Variants in DCDC2C observed in about 807,000 individuals in gnomAD.
DCDC2C encodes doublecortin domain containing 2C, also known as doublecortin domain-containing protein 2C.
Under a neutral mutation model 45.0 loss-of-function variants are expected in DCDC2C, and 44 were observed. The ratio of observed to expected loss-of-function variants is 0.98; its 90% confidence interval spans 0.77 to 1.26. DCDC2C has a LOEUF of 1.26. Among genes scored for constraint, DCDC2C ranks in the 50% most tolerant of loss-of-function variants. The pLI is 0.00. For synonymous variants in DCDC2C, 187 were observed against 178.8 expected (o/e 1.05, Z -0.37); for missense variants, 447 against 468.9 (o/e 0.95, Z 0.43).
rs987625928 is a variant in DCDC2C at position 3,708,516 on chromosome 2, T to G, written c.288-33T>G. ...GAACTTTCTATGTAAATATCTTCCT[T>G]CTAATGATGTTTTCTTCTTTCTTCT... On this transcript the variant is annotated intron_variant, in intron 1 of 10. Coordinates refer to ENST00000399143, the MANE Select transcript of DCDC2C (RefSeq NM_001287444.2). The G allele has an allele frequency of 1.1e-5, 16 of 1,494,026 alleles. No homozygotes were observed. In the African/African-American group the frequency reaches 2.0e-4, roughly 18 times the overall value. The allele number at this position is 1,494,026 out of a possible 1,614,324, so 92.5% of individuals were successfully genotyped here.
At chr2:3,780,571 T>C (rs1457604780) in intron 9 of DCDC2C, among the ~76,000 whole-genome samples, 1 of 152,126 alleles carries the variant, frequency 6.6e-6, no homozygotes, top group African/African-American at 2.4e-5. Flanking sequence ...GGGCCAAGGA[T>C]CTAAAAGGTG....
chr2:3,824,728 G>A (rs557166903), intron 10 of DCDC2C, among the ~76,000 whole-genome samples: 16 of 151,744 alleles, frequency 1.1e-4, no homozygotes, highest in Middle Eastern at 3.4e-3. Context: ...GTCTTGCTCC[G>A]TGCTCTTGCC....
chr2:3,828,778 C>A (rs1190423719), intron 10 of DCDC2C, among the ~76,000 whole-genome samples: 1 of 152,166 alleles, frequency 6.6e-6, no homozygotes, highest in Non-Finnish European at 1.5e-5. Flanking sequence ...ACTTGCAACA[C>A]CTTGTTTCCG....
intron 6 of DCDC2C, among the ~76,000 whole-genome samples, chr2:3,758,753 T>C (rs1669796726): frequency 6.6e-6 from 1 of 152,226 alleles, no homozygotes; most frequent in African/African-American, 2.4e-5. Flanking sequence ...TATGAGGCTG[T>C]GTTCAGCGGA....
chr2:3,739,244 T>G (rs1050790986), intron 3 of DCDC2C, among the ~76,000 whole-genome samples: 1 of 151,828 alleles, frequency 6.6e-6, no homozygotes, highest in Non-Finnish European at 1.5e-5. Flanking sequence ...CTGGGAAGAG[T>G]GTAGTCCCTT....
At chr2:3,753,377 G>T (rs1474875115) in intron 5 of DCDC2C, among the ~76,000 whole-genome samples, 2 of 152,224 alleles carry the variant, frequency 1.3e-5, no homozygotes, top group African/African-American at 4.8e-5. Context: ...CTGTGTGTGT[G>T]TTTATGGACA....
At chr2:3,822,456 T>C (rs1219929640) in intron 10 of DCDC2C, among the ~76,000 whole-genome samples, 1 of 152,154 alleles carries the variant, frequency 6.6e-6, no homozygotes. Context: ...GTGAAGTCAA[T>C]AGTGTTATTC....
Position 3,785,052 on chromosome 2 carries a change from A to G in DCDC2C, c.1024-7A>G, listed in dbSNP as rs1670614155. 3 of 1,231,394 alleles carry G rather than the reference A, an allele frequency of 2.4e-6. No individual in the cohort carries two copies. Among genetic ancestry groups the G allele is most frequent in the African/African-American group, 1.6e-5 (1 of 64,408 alleles). 76.3% of individuals were successfully genotyped at this position (1,231,394 alleles called of 1,614,324 possible). On this transcript the variant is annotated splice_polypyrimidine_tract_variant and splice_region_variant and intron_variant, in intron 9 of 10. Transcript: ENST00000399143. ...AGTTGATTCCTATATTTGTTTTTTC[A>G]TACTAGGATAAAGAAGATGCAAGGC...
rs182712021 is a variant in DCDC2C, at chr2:3,826,973, C to T, written c.1066-20181C>T. On this transcript the variant is annotated intron_variant, in intron 10 of 10. Coordinates refer to ENST00000399143, the MANE Select transcript of DCDC2C (RefSeq NM_001287444.2). Reference sequence around the variant, plus strand: ...CCTCCCTCTCTTCTTCCCTTCCTCCCTCCAATTGTTTATTAAGTGGACCTA... The same window carrying T: ...CCTCCCTCTCTTCTTCCCTTCCTCCTTCCAATTGTTTATTAAGTGGACCTA... Among the ~76,000 whole-genome samples the T allele has an allele frequency of 6.1e-3, 930 of 152,048 alleles. 2 individuals are homozygous for T. The highest frequency in any genetic ancestry group is 0.01 in the Non-Finnish European group (710 of 67,980).
intron 10 of DCDC2C, among the ~76,000 whole-genome samples, chr2:3,804,119 A>T (rs1671176376): frequency 1.3e-5 from 2 of 152,234 alleles, no homozygotes; most frequent in Non-Finnish European, 2.9e-5. Flanking sequence ...CTGAATGCAG[A>T]GACCACACCT....
At chr2:3,738,968 C>T (rs926096001) in intron 3 of DCDC2C, among the ~76,000 whole-genome samples, 1 of 152,172 alleles carries the variant, frequency 6.6e-6, no homozygotes, top group African/African-American at 2.4e-5. Context: ...AACACGGACC[C>T]CAAACCTGGC....
At chr2:3,736,514 C>T (rs547275282) in intron 3 of DCDC2C, among the ~76,000 whole-genome samples, 36 of 152,210 alleles carry the variant, frequency 2.4e-4, no homozygotes, top group African/African-American at 8.4e-4. Context: ...GAGCATTGGA[C>T]GTTTGCTTTC....
intron 10 of DCDC2C, among the ~76,000 whole-genome samples, chr2:3,797,837 G>T (rs1425833029): frequency 6.7e-6 from 1 of 150,238 alleles, no homozygotes; most frequent in African/African-American, 2.4e-5. Flanking sequence ...TGAAAAAAAT[G>T]TATATTCTGT....
At chr2:3,752,733 C>CT in intron 4 of DCDC2C, 30 bp from the exon 5 acceptor site, 2 of 1,549,900 alleles carry the variant, frequency 1.3e-6, no homozygotes, top group East Asian at 4.9e-5. Context: ...CCTCAAGTCT[C>CT]TATCTCATTT....
chr2:3,831,775 G>A (rs1671957692), intron 10 of DCDC2C, among the ~76,000 whole-genome samples: 1 of 152,220 alleles, frequency 6.6e-6, no homozygotes, highest in Non-Finnish European at 1.5e-5. Context: ...CTTGACATCT[G>A]TGATGTCTAA....
At chr2:3,794,097 T>G (rs551308789) in intron 10 of DCDC2C, among the ~76,000 whole-genome samples, 2 of 152,230 alleles carry the variant, frequency 1.3e-5, no homozygotes, top group South Asian at 4.1e-4. Context: ...TAAAATCTAT[T>G]GTTATATTCT....
At chr2:3,840,936 T>G (rs1672198969) in intron 10 of DCDC2C, among the ~76,000 whole-genome samples, 1 of 152,210 alleles carries the variant, frequency 6.6e-6, no homozygotes, top group Non-Finnish European at 1.5e-5. Context: ...GGACTTTGAG[T>G]AAACCATGCT....
rs567905718 is a variant in DCDC2C at position 3,832,922 on chromosome 2, G to C, written c.1066-14232G>C. Among the ~76,000 whole-genome samples, 14 of 152,324 alleles carry C rather than the reference G, an allele frequency of 9.2e-5. 1 individual carries two copies. The South Asian group carries it at 1.9e-3, about 20-fold the overall frequency. ...AATTTAGTGGCTTAAAACAGCACAAGGTTATGATTTACAGTTCTGTAGGTC... is the reference window on the plus strand; with the variant it reads ...AATTTAGTGGCTTAAAACAGCACAACGTTATGATTTACAGTTCTGTAGGTC... On this transcript the variant is annotated intron_variant, in intron 10 of 10. Coordinates refer to ENST00000399143, the MANE Select transcript of DCDC2C (RefSeq NM_001287444.2).
intron 6 of DCDC2C, among the ~76,000 whole-genome samples, chr2:3,755,874 G>A (rs992276879): frequency 4.1e-4 from 62 of 152,184 alleles, no homozygotes; most frequent in Non-Finnish European, 1.0e-4. Context: ...ATGCATATGT[G>A]TGCATGTGTG....
Sources: gnomAD v4.1 joint callset for allele counts (sites outside exome capture counted in the v4.1 genomes callset) on GRCh38, gnomAD v4.1.1 for gene constraint, MANE v1.5 for transcripts, NCBI Gene and HGNC (gene_info 2026-07-23, HGNC 2026-07-21) for gene names.